Variants in MITF observed in about 807,000 individuals in gnomAD.
MITF encodes the protein melanocyte inducing transcription factor.
Under a neutral mutation model 60.5 loss-of-function variants are expected in MITF, and 17 were observed. The observed-to-expected ratio is 0.28, with a 90% CI of 0.19 to 0.42. The LOEUF (loss-of-function observed/expected upper bound fraction) is 0.42. Ranked by LOEUF, MITF falls within the 10% of genes least tolerant of loss-of-function variation. The pLI is 1.00. For missense variants in MITF, 622 were observed against 683.5 expected, an observed-to-expected ratio of 0.91 and a Z score of 1.00; for synonymous variants, 260 against 248.5, an observed-to-expected ratio of 1.05 and a Z score of -0.43.
intron 1 of MITF, chr3:69,769,369 A>G (rs1251632318): frequency 6.6e-6 from 1 of 152,180 alleles, no homozygotes; most frequent in Non-Finnish European, 1.5e-5. Flanking sequence ...TTTTCCTGCC[A>G]TCATTATATT....
chr3:69,894,900 G>A (rs1232809302), intron 2 of MITF, among the ~76,000 whole-genome samples: 1 of 152,070 alleles, frequency 6.6e-6, no homozygotes, highest in Non-Finnish European at 1.5e-5. Context: ...AAGACCAGAG[G>A]CCATTCTCTC....
At chr3:69,953,722 G>A (rs1404293045) in intron 7 of MITF, among the ~76,000 whole-genome samples, 1 of 151,316 alleles carries the variant, frequency 6.6e-6, no homozygotes, top group Non-Finnish European at 1.5e-5. Context: ...GAAAGAAAGA[G>A]AGAGAGAGCG....
intron 3 of MITF, 24 bp downstream of exon 3, chr3:69,938,073 C>T: frequency 1.2e-6 from 2 of 1,601,040 alleles, no homozygotes; most frequent in Non-Finnish European, 1.7e-6. Context: ...CCTCTCCTCT[C>T]CTGTTTTCTT....
chr3:69,886,912 TA>T (rs2064632695), intron 2 of MITF, among the ~76,000 whole-genome samples: 1 of 152,146 alleles, frequency 6.6e-6, no homozygotes, highest in African/African-American at 2.4e-5. Flanking sequence ...TTACAATTCA[TA>T]TGCTTTATAG....
intron 2 of MITF, among the ~76,000 whole-genome samples, chr3:69,931,827 G>A (rs1366514661): frequency 6.6e-6 from 1 of 152,170 alleles, no homozygotes; most frequent in Non-Finnish European, 1.5e-5. Context: ...GATCAGAACT[G>A]ACCCACAGAA....
At chr3:69,866,158 G>GA in intron 1 of MITF, 2 of 1,519,198 alleles carry the variant, frequency 1.3e-6, no homozygotes, top group Non-Finnish European at 1.8e-6. Flanking sequence ...CACCGTTCTA[G>GA]CACAGAGCTG....
chr3:69,816,089 A>G (rs1218329914), intron 1 of MITF, among the ~76,000 whole-genome samples: 1 of 152,144 alleles, frequency 6.6e-6, no homozygotes, highest in African/African-American at 2.4e-5. Flanking sequence ...TTATAACTTT[A>G]TTACAGATGC....
At position 69,966,926 on chromosome 3, in the gene MITF, A is replaced by G. The variant is rs1342505050; in HGVS notation, c.*1678A>G. ...ATGATGGTATCTATAGTCAAGACGA[A>G]CATGTAGCATGGTGCCTATGTAGAC... On this transcript the variant is annotated 3_prime_UTR_variant, in exon 10 of 10. Transcript: ENST00000352241. 3.9e-5 allele frequency: 9 copies of G among 232,684 alleles called. No homozygotes were observed. The highest frequency in any genetic ancestry group is 6.0e-5 in the Non-Finnish European group (7 of 117,478). 14.4% of individuals were successfully genotyped at this position (232,684 alleles called of 1,614,324 possible). A position where few individuals can be genotyped will look rare whatever the true frequency, so the allele number is the denominator to read the frequency against.
At chr3:69,849,818 T>A (rs2063795266) in intron 1 of MITF, among the ~76,000 whole-genome samples, 1 of 152,178 alleles carries the variant, frequency 6.6e-6, no homozygotes. Flanking sequence ...CCATTGAAGG[T>A]CCATCATCCC....
chr3:69,859,186 C>T (rs567006876), intron 1 of MITF, among the ~76,000 whole-genome samples: 2 of 152,254 alleles, frequency 1.3e-5, no homozygotes, highest in Admixed American at 1.3e-4. Context: ...AGGAGTGACA[C>T]ATTTATTAAA....
At chr3:69,883,438 C>G (rs1290359479) in intron 2 of MITF, among the ~76,000 whole-genome samples, 1 of 152,162 alleles carries the variant, frequency 6.6e-6, no homozygotes, top group Non-Finnish European at 1.5e-5. Flanking sequence ...CCATATTTCA[C>G]TAGTGAGGGG....
intron 1 of MITF, among the ~76,000 whole-genome samples, chr3:69,758,128 C>A (rs899542853): frequency 6.7e-5 from 10 of 148,778 alleles, no homozygotes; most frequent in African/African-American, 2.5e-4. Flanking sequence ...CACACACACA[C>A]ACACACACAC....
At position 69,798,399 on chromosome 3, in the gene MITF, G is replaced by A. The variant is rs150949707; in HGVS notation, c.104+58698G>A. Among the ~76,000 whole-genome samples the A allele has an allele frequency of 3.1e-3, 468 of 152,272 alleles. 16 individuals are homozygous for A. In the South Asian group the frequency reaches 0.067, roughly 22 times the overall value. ...TCTTGGTTTGGTCACATGCAAAATGGGGTTCATACTATTTATCATTCAGAG... is the reference window on the plus strand; with the variant it reads ...TCTTGGTTTGGTCACATGCAAAATGAGGTTCATACTATTTATCATTCAGAG... On this transcript the variant is annotated intron_variant, in intron 1 of 9. Coordinates refer to ENST00000352241, the MANE Select transcript of MITF (RefSeq NM_001354604.2).
chr3:69,892,424 A>G (rs754281324), intron 2 of MITF, among the ~76,000 whole-genome samples: 1 of 152,204 alleles, frequency 6.6e-6, no homozygotes, highest in Non-Finnish European at 1.5e-5. Flanking sequence ...CAGGGAACCT[A>G]GATTGACATA....
Position 69,949,082 on chromosome 3 carries a change from A to G in MITF, c.794A>G (p.Tyr265Cys), listed in dbSNP as rs1057518765. The G allele has an allele frequency of 6.2e-7, 1 of 1,613,650 alleles. No individual in the cohort carries two copies. Among genetic ancestry groups the G allele is most frequent in the Non-Finnish European group, 8.5e-7 (1 of 1,179,806 alleles). The change falls in exon 6 of 10, where the codon TAT becomes TGT. Residue 265 changes from tyrosine to cysteine, a missense_variant. By Grantham distance (194) the Tyr-to-Cys change is radical. Transcript: ENST00000352241. The stretch of plus-strand genomic sequence containing the variant: ...GTCTCGGGAAACTTGATTGATCTTT[A>G]TGGAAACCAAGGTCTGCCCCCACCA... ...LPVSGNLIDL[Y>C]GNQGLPPPGL...
In MITF at chr3:69,888,416, T is replaced by C. The variant is rs565319834; in HGVS notation, c.354+9033T>C. Among the ~76,000 whole-genome samples the C allele has an allele frequency of 1.2e-4, 18 of 151,722 alleles. No homozygotes were observed. The South Asian group carries it at 1.7e-3, about 14-fold the overall frequency. ...GCAAAGAACCTTTTCTTTTTTTCTT[T>C]TTTTTTTTTTCTTTTGAAAGAAATC... On this transcript the variant is annotated intron_variant, in intron 2 of 9. Transcript: ENST00000352241.
intron 2 of MITF, among the ~76,000 whole-genome samples, chr3:69,930,098 G>A (rs1375106586): frequency 6.6e-6 from 1 of 152,148 alleles, no homozygotes. Flanking sequence ...GAGCCAATTT[G>A]GAAGAGTGGA....
chr3:69,802,725 C>G (rs1426335379), intron 1 of MITF, among the ~76,000 whole-genome samples: 1 of 75,540 alleles, frequency 1.3e-5, no homozygotes, highest in Admixed American at 2.0e-4. Flanking sequence ...ATGTTTGGCT[C>G]TTATTGCCCA....
chr3:69,849,053 C>T lies in MITF; in HGVS notation c.105-30081C>T, dbSNP rs550749642. The stretch of plus-strand genomic sequence containing the variant: ...GATCTCGGCTCACTGCAAGCTCCGC[C>T]TCCCGGGTTCACGCCATTCTCCTGC... On this transcript the variant is annotated intron_variant, in intron 1 of 9. Coordinates refer to ENST00000352241, the MANE Select transcript of MITF (RefSeq NM_001354604.2). 1.8e-4 allele frequency among the ~76,000 whole-genome samples: 27 copies of T among 147,174 alleles called. No individual in the cohort carries two copies. The East Asian group carries it at 4.6e-3, about 25-fold the overall frequency.
Sources: allele counts gnomAD v4.1 joint callset (sites outside exome capture counted in the v4.1 genomes callset), GRCh38; gene constraint gnomAD v4.1.1; transcripts MANE v1.5; gene names NCBI Gene and HGNC (gene_info 2026-07-23, HGNC 2026-07-21).